EDEM2: variants seen among roughly 807,000 people sequenced by gnomAD.
EDEM2 encodes the protein ER degradation enhancing alpha-mannosidase like protein 2.
A neutral mutation model predicts 64.8 loss-of-function variants in EDEM2; 39 were observed. That is an observed-to-expected ratio of 0.60 (90% CI 0.47 to 0.79). The LOEUF (loss-of-function observed/expected upper bound fraction) is 0.79. Among genes scored for constraint, EDEM2 ranks in the 30% least tolerant of loss-of-function variants. The probability of loss-of-function intolerance (pLI) is 0.00; values close to 1 mark genes in which losing one functional copy is unlikely to be tolerated. For synonymous variants in EDEM2, 296 were observed against 291.5 expected (o/e 1.02, Z -0.16); for missense variants, 609 against 731.3 (o/e 0.83, Z 1.93).
Position 35,115,877 on chromosome 20 carries a change from G to A in EDEM2, c.1293C>T (p.Ala431=), listed in dbSNP as rs777640624. ...LDNRMESFFL[A]ETVKYLYLLF... ...GGAGGTAGAGGTATTTCACAGTCTCGGCCAGGAAGAACGACTCCATGCGGT... is the reference window on the plus strand; with the variant it reads ...GGAGGTAGAGGTATTTCACAGTCTCAGCCAGGAAGAACGACTCCATGCGGT... Residue 431 remains alanine (A), a synonymous_variant, in exon 11 of 11, where the codon GCC becomes GCT. Coordinates refer to ENST00000374492, the MANE Select transcript of EDEM2 (RefSeq NM_018217.3). The A allele has an allele frequency of 1.2e-6, 2 of 1,613,902 alleles. No individual in the cohort carries two copies. Among genetic ancestry groups the A allele is most frequent in the Non-Finnish European group, 1.7e-6 (2 of 1,180,032 alleles).
rs556332297 is a variant in EDEM2, at chr20:35,139,999, T to C, written c.365-1994A>G. ...AAGTTTTTAACACAATAAGAGAAAG[T>C]AACCATCAACCTAGAACCATACACC... On this transcript the variant is annotated intron_variant, in intron 4 of 10. Transcript: ENST00000374492. 3.9e-5 allele frequency among the ~76,000 whole-genome samples: 6 copies of C among 152,256 alleles called. No homozygotes were observed. The East Asian group carries it at 5.8e-4, about 15-fold the overall frequency.
At position 35,115,401 on chromosome 20, in the gene EDEM2, A is replaced by C. The variant is rs751154405; in HGVS notation, c.*32T>G. The C allele has an allele frequency of 7.4e-5, 117 of 1,583,368 alleles. No individual in the cohort carries two copies. The highest frequency in any genetic ancestry group is 9.8e-5 in the Non-Finnish European group (115 of 1,168,214). ...AAGCAATTTATTATAGTTTAGCCTC[A>C]AAAAAATAAAAATAAAAAAATTATC... On this transcript the variant is annotated 3_prime_UTR_variant, in exon 11 of 11. Coordinates refer to ENST00000374492, the MANE Select transcript of EDEM2 (RefSeq NM_018217.3).
At chr20:35,136,660 G>T (rs1290068355) in intron 5 of EDEM2, among the ~76,000 whole-genome samples, 1 of 151,268 alleles carries the variant, frequency 6.6e-6, no homozygotes, top group Non-Finnish European at 1.5e-5. Flanking sequence ...GGCTGAGGTG[G>T]GAGAATCAAC....
rs772221557 is a variant in EDEM2 at position 35,126,253 on chromosome 20, G to A, written c.967C>T (p.Gln323Ter). ...QSLEAYWPGL[Q>*]SLIGDIDNAM... ...TCACATTCTTTGATCATTCCTACCT[G>A]AAGACCAGGCCAGTAGGCCTCCAAG... Residue 323 changes from glutamine (Q) to a stop codon, truncating the protein, a stop_gained and splice_region_variant, in exon 8 of 11, where the codon CAG becomes TAG. Coordinates refer to ENST00000374492, the MANE Select transcript of EDEM2 (RefSeq NM_018217.3). LOFTEE classifies it high-confidence loss of function. The A allele has an allele frequency of 1.2e-6, 2 of 1,613,134 alleles. No individual in the cohort carries two copies. Among genetic ancestry groups the A allele is most frequent in the Admixed American group, 1.7e-5 (1 of 59,774 alleles).
intron 7 of EDEM2, among the ~76,000 whole-genome samples, chr20:35,126,585 G>T (rs533248393): frequency 6.6e-6 from 1 of 152,106 alleles, no homozygotes; most frequent in African/African-American, 2.4e-5. Context: ...ACCTGGGGTG[G>T]GTTTTTCCCT....
intron 7 of EDEM2, among the ~76,000 whole-genome samples, chr20:35,126,949 G>A (rs975251900): frequency 2.0e-5 from 3 of 152,082 alleles, no homozygotes; most frequent in Non-Finnish European, 4.4e-5. Context: ...ATGTGGTTTG[G>A]CTGTGTCCCC....
At chr20:35,131,933 T>C in intron 6 of EDEM2, 150 bp from the exon 7 acceptor site, 1 of 878,726 alleles carries the variant, frequency 1.1e-6, no homozygotes. Flanking sequence ...GGAAGGGCAA[T>C]GCTGGATCAT....
At chr20:35,142,231 G>C in intron 4 of EDEM2, 142 bp downstream of exon 4, 2 of 664,398 alleles carry the variant, frequency 3.0e-6, no homozygotes, top group East Asian at 2.8e-5. Flanking sequence ...CCTCCAGGAG[G>C]GAAGAAGAGC....
At chr20:35,143,930 A>G (rs1849307315) in intron 3 of EDEM2, among the ~76,000 whole-genome samples, 1 of 151,466 alleles carries the variant, frequency 6.6e-6, no homozygotes, top group Admixed American at 6.6e-5. Context: ...TTTGTGTGAG[A>G]CAGGGTTTTA....
rs567933867 is a variant in EDEM2 at position 35,133,357 on chromosome 20, G to C, written c.702+1381C>G. Among the ~76,000 whole-genome samples, 3 of 152,198 alleles carry C rather than the reference G, an allele frequency of 2.0e-5. No homozygotes were observed. In the East Asian group the frequency reaches 5.8e-4, roughly 29 times the overall value. ...TGGCCAGTGTGCATGGAAATGTTAA[G>C]AGTTGAGAGGATATGGGCATGGCAC... On this transcript the variant is annotated intron_variant, in intron 6 of 10. Transcript: ENST00000374492.
chr20:35,131,746 A>G lies in EDEM2; in HGVS notation c.740T>C (p.Val247Ala), dbSNP rs1424804692. Residue 247 changes from valine (V) to alanine (A), a missense_variant, in exon 7 of 11, where the codon GTG becomes GCG. By Grantham distance (64) the Val-to-Ala change is moderately conservative. Coordinates refer to ENST00000374492, the MANE Select transcript of EDEM2 (RefSeq NM_018217.3). ...AGCCCCGATGCCTGCGTCCTGGGCCACCCACTTGCCAGTGAGCACATCAAT... is the reference window on the plus strand; with the variant it reads ...AGCCCCGATGCCTGCGTCCTGGGCCGCCCACTTGCCAGTGAGCACATCAAT... ...NHIDVLTGKWVAQDAGIGAGV... is the reference protein window; with the variant it reads ...NHIDVLTGKWAAQDAGIGAGV... The G allele has an allele frequency of 5.0e-6, 8 of 1,614,002 alleles. No individual in the cohort carries two copies. The highest frequency in any genetic ancestry group is 6.8e-6 in the Non-Finnish European group (8 of 1,180,014).
At chr20:35,143,979 G>A (rs1343089585) in intron 3 of EDEM2, among the ~76,000 whole-genome samples, 2 of 152,112 alleles carry the variant, frequency 1.3e-5, no homozygotes, top group Non-Finnish European at 2.9e-5. Context: ...TGCGATCTCG[G>A]CTCACTGCAA....
chr20:35,135,467 A>G (rs1329299982), intron 5 of EDEM2, among the ~76,000 whole-genome samples: 1 of 152,204 alleles, frequency 6.6e-6, no homozygotes, highest in Non-Finnish European at 1.5e-5. Flanking sequence ...CCTGGCCAAC[A>G]TGGTGAAACC....
intron 10 of EDEM2, among the ~76,000 whole-genome samples, chr20:35,117,534 A>T (rs1418379368): frequency 1.3e-5 from 2 of 152,228 alleles, no homozygotes; most frequent in Non-Finnish European, 2.9e-5. Flanking sequence ...TTTTTCACAC[A>T]ATACAGCATA....
At chr20:35,124,345 A>C (rs6142301) in intron 8 of EDEM2, among the ~76,000 whole-genome samples, 78,697 of 152,104 alleles carry the variant, frequency 0.52, 22,790 homozygotes, top group Admixed American at 0.68. Context: ...AATTCTAAGA[A>C]TAGAGAAAAG....
chr20:35,141,616 C>T (rs1381058463), intron 4 of EDEM2, among the ~76,000 whole-genome samples: 1 of 152,148 alleles, frequency 6.6e-6, no homozygotes, highest in African/African-American at 2.4e-5. Context: ...TAGAACTCTG[C>T]CATCCAGAGG....
At chr20:35,127,705 T>C (rs538148019) in intron 7 of EDEM2, among the ~76,000 whole-genome samples, 72 of 152,364 alleles carry the variant, frequency 4.7e-4, no homozygotes, top group African/African-American at 1.7e-3. Context: ...ATGAGTAAAG[T>C]AGTCCCCCCT....
At position 35,134,744 on chromosome 20, in the gene EDEM2, G is replaced by A. The variant is rs1254201626; in HGVS notation, c.696C>T (p.Ile232=). 3.7e-6 allele frequency: 6 copies of A among 1,612,778 alleles called. No homozygotes were observed. The highest frequency in any genetic ancestry group is 2.7e-5 in the African/African-American group (2 of 74,892). The change falls in exon 6 of 11, where the codon ATC becomes ATT. Residue 232 remains isoleucine, a synonymous_variant. Coordinates refer to ENST00000374492, the MANE Select transcript of EDEM2 (RefSeq NM_018217.3). ...AGGGCAGCAGCGAACCTACCAGCCC[G>A]ATATCTGACCGGCTCTCCCAGAGGC... The part of the protein sequence containing the change: ...LMRLWESRSD[I]GLVGNHIDVL...
intron 6 of EDEM2, among the ~76,000 whole-genome samples, chr20:35,132,927 G>A (rs1468799550): frequency 6.6e-6 from 1 of 152,122 alleles, no homozygotes; most frequent in East Asian, 1.9e-4. Context: ...GTTCCGCGTT[G>A]GTTTGTGTCC....
Sources: allele counts gnomAD v4.1 joint callset (sites outside exome capture counted in the v4.1 genomes callset), GRCh38; gene constraint gnomAD v4.1.1; transcripts MANE v1.5; gene names NCBI Gene and HGNC (gene_info 2026-07-23, HGNC 2026-07-21).